Variants in NCAM1 observed in about 807,000 individuals in gnomAD.
NCAM1 encodes the protein neural cell adhesion molecule 1.
In NCAM1, 14 loss-of-function variants were observed where a neutral mutation model predicts 109.8. The observed-to-expected ratio is 0.13, with a 90% confidence interval of 0.08 to 0.20. The LOEUF is 0.20. Ranked by LOEUF, NCAM1 falls within the 10% of genes least tolerant of loss-of-function variation. The probability of loss-of-function intolerance (pLI) is 1.00; values close to 1 mark genes in which losing one functional copy is unlikely to be tolerated. For missense variants in NCAM1, 774 were observed against 1,109.9 expected (o/e 0.70, Z 4.30); for synonymous variants, 418 against 442.9 (o/e 0.94, Z 0.70).
chr11:112,995,257 GA>G (rs1555071246), intron 1 of NCAM1, among the ~76,000 whole-genome samples: 1 of 152,118 alleles, frequency 6.6e-6, no homozygotes, highest in Non-Finnish European at 1.5e-5. Context: ...TGGTGGATTT[GA>G]TACACATCCA....
At chr11:113,214,292 G>A in intron 7 of NCAM1, 77 bp from the exon 8 acceptor site, 1 of 1,488,200 alleles carries the variant, frequency 6.7e-7, no homozygotes, top group Non-Finnish European at 9.2e-7. Context: ...AACCTTTGTT[G>A]GATAGGTGCA....
At chr11:113,014,038 T>C (rs1299262911) in intron 1 of NCAM1, among the ~76,000 whole-genome samples, 6 of 152,136 alleles carry the variant, frequency 3.9e-5, no homozygotes, top group African/African-American at 7.2e-5. Flanking sequence ...TGTTAAGAAA[T>C]AGCTCTCAGC....
chr11:113,181,892 C>A (rs992622492), intron 1 of NCAM1, among the ~76,000 whole-genome samples: 4 of 152,120 alleles, frequency 2.6e-5, no homozygotes, highest in Non-Finnish European at 5.9e-5. Context: ...TGAATGAGAC[C>A]ACTTAGCCAC....
intron 9 of NCAM1, 125 bp downstream of exon 9, chr11:113,221,450 G>C: frequency 1.0e-6 from 1 of 1,000,260 alleles, no homozygotes; most frequent in Non-Finnish European, 1.5e-6. Flanking sequence ...TAGGTCGATA[G>C]TGGTAGACAT....
intron 1 of NCAM1, among the ~76,000 whole-genome samples, chr11:113,053,808 A>T (rs1555082162): frequency 6.6e-6 from 1 of 152,186 alleles, no homozygotes; most frequent in East Asian, 1.9e-4. Flanking sequence ...AGCTGCAGAA[A>T]AATTCCCCTC....
chr11:113,180,016 C>T (rs946858920), intron 1 of NCAM1, among the ~76,000 whole-genome samples: 50 of 152,160 alleles, frequency 3.3e-4, no homozygotes, highest in Admixed American at 2.6e-4. Context: ...GATGGGCACA[C>T]AGAACAAGAC....
chr11:113,011,222 T>C (rs1555074335), intron 1 of NCAM1, among the ~76,000 whole-genome samples: 1 of 146,258 alleles, frequency 6.8e-6, no homozygotes, highest in East Asian at 2.0e-4. Flanking sequence ...GTTTGGTTTT[T>C]TGTTCTTGCG....
intron 1 of NCAM1, among the ~76,000 whole-genome samples, chr11:113,144,434 C>A (rs1941940050): frequency 6.6e-6 from 1 of 152,088 alleles, no homozygotes; most frequent in Non-Finnish European, 1.5e-5. Flanking sequence ...AACGAGAATG[C>A]TTTATGAATC....
At chr11:113,203,431 T>G (rs1340195323) in intron 2 of NCAM1, among the ~76,000 whole-genome samples, 1 of 152,248 alleles carries the variant, frequency 6.6e-6, no homozygotes, top group African/African-American at 2.4e-5. Flanking sequence ...TAAGCATCTG[T>G]GCAGGGCTGG....
chr11:113,057,411 T>G (rs1186365250), intron 1 of NCAM1, among the ~76,000 whole-genome samples: 1 of 151,950 alleles, frequency 6.6e-6, no homozygotes, highest in Non-Finnish European at 1.5e-5. Context: ...GTTAAGGAAC[T>G]TGGGCTTATC....
chr11:113,047,202 G>A (rs1953300753), intron 1 of NCAM1, among the ~76,000 whole-genome samples: 1 of 152,090 alleles, frequency 6.6e-6, no homozygotes, highest in Non-Finnish European at 1.5e-5. Context: ...GATGAGCAAA[G>A]TAAATCCTAT....
intron 1 of NCAM1, among the ~76,000 whole-genome samples, chr11:113,169,198 G>A (rs1301745624): frequency 2.6e-5 from 4 of 151,990 alleles, no homozygotes; most frequent in African/African-American, 9.7e-5. Context: ...CAGAAACCTG[G>A]GACAATTGTT....
chr11:113,139,577 T>C (rs1043581463), intron 1 of NCAM1, among the ~76,000 whole-genome samples: 1 of 152,212 alleles, frequency 6.6e-6, no homozygotes, highest in Non-Finnish European at 1.5e-5. Flanking sequence ...CATGTACACA[T>C]ATTTTCACGG....
intron 1 of NCAM1, among the ~76,000 whole-genome samples, chr11:113,139,146 A>C (rs1255464742): frequency 4.6e-5 from 7 of 152,238 alleles, no homozygotes; most frequent in African/African-American, 1.7e-4. Context: ...GCTTGGATAG[A>C]TCTTATCTTC....
At chr11:112,969,896 A>T (rs781872756) in intron 1 of NCAM1, among the ~76,000 whole-genome samples, 1 of 152,188 alleles carries the variant, frequency 6.6e-6, no homozygotes, top group Non-Finnish European at 1.5e-5. Flanking sequence ...TTATATCAGT[A>T]AGTGCCCGAA....
Position 113,214,387 on chromosome 11 carries a change from A to G in NCAM1, c.935A>G (p.Tyr312Cys), listed in dbSNP as rs373516826. 6.2e-7 allele frequency: 1 copy of G among 1,613,834 alleles called. No homozygotes were observed. The highest frequency in any genetic ancestry group is 8.5e-7 in the Non-Finnish European group (1 of 1,179,860). ...TTTTCAGCAAAACCCAAAATCACAT[A>G]TGTAGAGAACCAGACTGCCATGGAA... Reference protein sequence around the residue: ...LKVFAKPKITYVENQTAMELE... With the variant: ...LKVFAKPKITCVENQTAMELE... Residue 312 changes from tyrosine (Y) to cysteine (C), a missense_variant, in exon 8 of 20, where the codon TAT (tyrosine) becomes TGT (cysteine). By Grantham distance (194) the Tyr-to-Cys change is radical. Coordinates refer to ENST00000316851, the MANE Select transcript of NCAM1 (RefSeq NM_181351.5).
intron 8 of NCAM1, among the ~76,000 whole-genome samples, chr11:113,218,478 T>C (rs1555114713): frequency 1.3e-5 from 2 of 152,226 alleles, no homozygotes; most frequent in Non-Finnish European, 2.9e-5. Flanking sequence ...TTAGTCTTCT[T>C]AAGGGAAGAG....
chr11:113,025,750 G>A lies in NCAM1; in HGVS notation c.52+64086G>A, dbSNP rs548037136. Among the ~76,000 whole-genome samples the A allele has an allele frequency of 1.7e-3, 229 of 137,900 alleles. 12 individuals carry two copies. The highest frequency in any genetic ancestry group is 3.8e-3 in the Middle Eastern group (1 of 260). The allele number at this position is 137,900 out of a possible 152,430, so 90.5% of individuals were successfully genotyped here. Reference sequence around the variant, plus strand: ...AAAAAAAAAGCTCTCTCTGATATTGGAAATGAGATTGGAACGACACAGGGA... The same window carrying A: ...AAAAAAAAAGCTCTCTCTGATATTGAAAATGAGATTGGAACGACACAGGGA... On this transcript the variant is annotated intron_variant, in intron 1 of 19. Transcript: ENST00000316851.
Position 112,962,424 on chromosome 11 carries a change from TG to T in NCAM1, c.52+764del, listed in dbSNP as rs1355841697. On this transcript the variant is annotated intron_variant, in intron 1 of 19. Transcript: ENST00000316851. This position sits in a 1 kb window ranked among gnomAD's most constrained non-coding sequence, Gnocchi z 5.6. ...GGGCGGAGGGCGAGGAGGGCGTGAT[TG>T]GGGCTGCCTGGTGTGTGCGCGCGCG... 6.6e-6 allele frequency among the ~76,000 whole-genome samples: 1 copy of T among 151,370 alleles called. No individual in the cohort carries two copies. Among genetic ancestry groups the T allele is most frequent in the Admixed American group, 6.6e-5 (1 of 15,214 alleles).
Sources: gnomAD v4.1 joint callset for allele counts (sites outside exome capture counted in the v4.1 genomes callset) on GRCh38, gnomAD v4.1.1 for gene constraint, Gnocchi (gnomAD v3.1) non-coding constraint, MANE v1.5 for transcripts, NCBI Gene and HGNC (gene_info 2026-07-23, HGNC 2026-07-21) for gene names.